Variants in FAM90A20 observed in about 807,000 individuals in gnomAD.
The protein encoded by FAM90A20 is family with sequence similarity 90 member A20, also known as protein FAM90A20.
the FAM90A20 span, chr8:7,295,593 C>T: frequency 2.7e-5 from 18 of 659,316 alleles, 4 homozygotes; most frequent in East Asian, 1.7e-4. Context: ...CCTGTGGCTT[C>T]AGCTCACTCA....
the FAM90A20 span, chr8:7,297,085 C>T: frequency 1.1e-5 from 17 of 1,510,370 alleles, 1 homozygote; most frequent in South Asian, 4.5e-5. Context: ...CAATGCCGGT[C>T]CACACAACCT....
the FAM90A20 span, chr8:7,295,882 C>T: frequency 3.1e-6 from 2 of 645,446 alleles, no homozygotes; most frequent in South Asian, 1.6e-5. Flanking sequence ...CTCCTAAGGA[C>T]ATGGTGTCTC....
At chr8:7,296,193 T>C in the FAM90A20 span, 1 of 651,964 alleles carries the variant, frequency 1.5e-6, no homozygotes, top group East Asian at 2.9e-5. Context: ...CATTTCTGTA[T>C]CACAAGACAC....
the FAM90A20 span, chr8:7,297,402 C>A: frequency 4.5e-6 from 7 of 1,540,716 alleles, 1 homozygote; most frequent in South Asian, 6.7e-5. Flanking sequence ...AGAACCCAGG[C>A]ACAAGACAAA....
At chr8:7,297,344 G>A in the FAM90A20 span, 35 of 1,402,294 alleles carry the variant, frequency 2.5e-5, 5 homozygotes, top group Middle Eastern at 7.3e-4. Flanking sequence ...TAGCTGCCGA[G>A]AAGTTCCCCA....
chr8:7,297,498 C>G, the FAM90A20 span: 641 of 1,521,570 alleles, frequency 4.2e-4, 145 homozygotes, highest in African/African-American at 7.5e-3. Flanking sequence ...GGGTCAGGAG[C>G]CAAGAGACCT....
chr8:7,297,475 C>T, the FAM90A20 span: 30 of 1,541,490 alleles, frequency 1.9e-5, 1 homozygote, highest in Non-Finnish European at 2.5e-5. Context: ...GCCTAGGCTC[C>T]AATCTCAGCT....
At chr8:7,296,171 G>A in the FAM90A20 span, 63 of 642,202 alleles carry the variant, frequency 9.8e-5, 3 homozygotes, top group South Asian at 9.1e-4. Flanking sequence ...GGCGGAAAGG[G>A]CACCAGATTT....
chr8:7,295,869 T>G, the FAM90A20 span: 183 of 670,884 alleles, frequency 2.7e-4, 12 homozygotes, highest in East Asian at 2.7e-3. Context: ...CTTAGGGTAC[T>G]GCCTCCTAAG....
At chr8:7,297,342 G>T in the FAM90A20 span, 1 of 1,397,716 alleles carries the variant, frequency 7.2e-7, no homozygotes, top group African/African-American at 2.1e-5. Flanking sequence ...GGTAGCTGCC[G>T]AGAAGTTCCC....
chr8:7,297,703 C>A, the FAM90A20 span: 7 of 1,436,324 alleles, frequency 4.9e-6, 2 homozygotes, highest in African/African-American at 1.0e-4. Context: ...AGGTGCCCAG[C>A]GTTGAACGGC....
the FAM90A20 span, among the ~76,000 whole-genome samples, chr8:7,296,844 T>A: frequency 1.5e-5 from 2 of 136,780 alleles, no homozygotes; most frequent in Middle Eastern, 6.9e-3. Flanking sequence ...TGAACAATGG[T>A]GTGCTTAGAT....
At chr8:7,297,568 C>T in the FAM90A20 span, 14 of 1,513,226 alleles carry the variant, frequency 9.3e-6, 2 homozygotes, top group Non-Finnish European at 1.2e-5. Context: ...TGGGTCCCTT[C>T]CAGATCCCCG....
chr8:7,297,907 G>A, the FAM90A20 span: 1 of 731,356 alleles, frequency 1.4e-6, no homozygotes, highest in Non-Finnish European at 2.3e-6. Flanking sequence ...TCCTCGCTCA[G>A]AGCCCTCATG....
chr8:7,295,464 G>A, the FAM90A20 span, among the ~76,000 whole-genome samples: 1 of 111,214 alleles, frequency 9.0e-6, no homozygotes, highest in Non-Finnish European at 1.7e-5. Flanking sequence ...GGCTTTGCGA[G>A]GGAACATCGT....
chr8:7,295,826 C>T, the FAM90A20 span: 1,413 of 893,324 alleles, frequency 1.6e-3, 161 homozygotes, highest in South Asian at 0.015. Context: ...GGAAGAGAGA[C>T]CAAGGTGAGC....
chr8:7,295,607 A>T, the FAM90A20 span: 3 of 654,198 alleles, frequency 4.6e-6, no homozygotes, highest in Non-Finnish European at 8.1e-6. Flanking sequence ...TCACTCACTG[A>T]CATCACTTCC....
the FAM90A20 span, chr8:7,297,576 C>G: frequency 1.3e-6 from 2 of 1,510,604 alleles, no homozygotes; most frequent in Non-Finnish European, 1.8e-6. Flanking sequence ...TTCCAGATCC[C>G]CGAAAGCACC....
chr8:7,295,961 A>G, the FAM90A20 span: 1 of 529,312 alleles, frequency 1.9e-6, no homozygotes, highest in East Asian at 3.1e-5. Context: ...AATAGGCCGG[A>G]GCTCCGTGTC....
Sources: gnomAD v4.1 joint callset for allele counts (sites outside exome capture counted in the v4.1 genomes callset) on GRCh38, gnomAD v4.1.1 for gene constraint, MANE v1.5 for transcripts, NCBI Gene and HGNC (gene_info 2026-07-23, HGNC 2026-07-21) for gene names.